The following RFC1 variants were observed in gnomAD, a reference collection of about 807,000 sequenced individuals.
RFC1 encodes the protein A1 140 kDa subunit.
In RFC1, 37 loss-of-function variants were observed where a neutral mutation model predicts 137.4. The observed-to-expected ratio is 0.27, with a 90% CI of 0.21 to 0.35. RFC1 has a LOEUF of 0.35. Ranked by LOEUF, RFC1 falls within the 10% of genes least tolerant of loss-of-function variation. The pLI is 1.00. For missense variants in RFC1, 1,205 were observed against 1,358.5 expected, an observed-to-expected ratio of 0.89 and a Z score of 1.78; for synonymous variants, 429 against 455.7, an observed-to-expected ratio of 0.94 and a Z score of 0.75.
At chr4:39,351,081 T>C (rs1741163609) in intron 2 of RFC1, among the ~76,000 whole-genome samples, 1 of 151,756 alleles carries the variant, frequency 6.6e-6, no homozygotes, top group South Asian at 2.1e-4. Context: ...AAACCCCGTC[T>C]CTACTAAAAA....
At chr4:39,327,209 C>T (rs1433479577) in intron 5 of RFC1, among the ~76,000 whole-genome samples, 2 of 152,086 alleles carry the variant, frequency 1.3e-5, no homozygotes, top group African/African-American at 4.8e-5. Flanking sequence ...ACAAATTTAT[C>T]GCTAATATTG....
At position 39,302,604 on chromosome 4, in the gene RFC1, G is replaced by C; in HGVS notation, c.2341-9C>G. The C allele has an allele frequency of 2.6e-6, 4 of 1,563,292 alleles. No individual in the cohort carries two copies. The highest frequency in any genetic ancestry group is 3.5e-6 in the Non-Finnish European group (4 of 1,143,510). ...ATAGACATCATAGCACCCTGAAATT[G>C]ACAAGGGAGGAGTCCTCAATGATTT... On this transcript the variant is annotated splice_polypyrimidine_tract_variant and intron_variant, in intron 17 of 24. Transcript: ENST00000349703.
At chr4:39,337,989 A>G (rs1297038662) in intron 4 of RFC1, among the ~76,000 whole-genome samples, 1 of 152,190 alleles carries the variant, frequency 6.6e-6, no homozygotes. Flanking sequence ...CGATCAAACA[A>G]CAGGCCCTGA....
At chr4:39,352,818 C>T (rs111458288) in intron 1 of RFC1, among the ~76,000 whole-genome samples, 4 of 152,100 alleles carry the variant, frequency 2.6e-5, no homozygotes, top group African/African-American at 9.6e-5. Flanking sequence ...ATTTAAGAAC[C>T]ACCTGTATCA....
chr4:39,317,293 A>C (rs1170986340), intron 9 of RFC1, among the ~76,000 whole-genome samples: 1 of 152,224 alleles, frequency 6.6e-6, no homozygotes, highest in African/African-American at 2.4e-5. Flanking sequence ...CTCCAAGCAA[A>C]GAAATGCAAA....
intron 24 of RFC1, chr4:39,289,512 T>C (rs965921161): frequency 2.7e-5 from 6 of 222,290 alleles, no homozygotes; most frequent in African/African-American, 4.7e-5. Context: ...TTAGTGGCTA[T>C]AGCAAAACAT....
At chr4:39,311,367 G>A in intron 12 of RFC1, 78 bp downstream of exon 12, 1 of 1,172,884 alleles carries the variant, frequency 8.5e-7, no homozygotes, top group Non-Finnish European at 1.2e-6. Flanking sequence ...CAACAAGCCT[G>A]TATCCACCCA....
chr4:39,317,411 C>T (rs1199648419), intron 9 of RFC1, among the ~76,000 whole-genome samples: 2 of 152,176 alleles, frequency 1.3e-5, no homozygotes, highest in Non-Finnish European at 2.9e-5. Flanking sequence ...TAAACCTGAT[C>T]GCCCGAGAAG....
In RFC1 at chr4:39,290,053, G is replaced by A. The variant is rs1232744982; in HGVS notation, c.3169-14C>T. The stretch of plus-strand genomic sequence containing the variant: ...GGCTGCTTTCACCTATATGAAAGGA[G>A]TAGATGGAGTTTTTAAAAATCTAAG... On this transcript the variant is annotated splice_polypyrimidine_tract_variant and intron_variant, in intron 23 of 24. Coordinates refer to ENST00000349703, the MANE Select transcript of RFC1 (RefSeq NM_002913.5). 4 of 1,571,612 alleles carry A rather than the reference G, an allele frequency of 2.5e-6. No individual in the cohort carries two copies. In the South Asian group the frequency reaches 4.7e-5, roughly 18 times the overall value.
intron 22 of RFC1, 117 bp from the exon 23 acceptor site, chr4:39,291,969 G>GGAAT (rs1384515966): frequency 2.7e-6 from 2 of 741,700 alleles, no homozygotes; most frequent in East Asian, 5.1e-5. Flanking sequence ...AATGCTGAAT[G>GGAAT]GAATGCCTAC....
At position 39,300,383 on chromosome 4, in the gene RFC1, G is replaced by A; in HGVS notation, c.2567C>T (p.Ala856Val). The A allele has an allele frequency of 3.7e-6, 6 of 1,614,040 alleles. No homozygotes were observed. The highest frequency in any genetic ancestry group is 1.1e-5 in the South Asian group (1 of 91,070). Residue 856 changes from alanine (A) to valine (V), a missense_variant, in exon 20 of 25, where the codon GCA becomes GTA. Physicochemically the swap from Ala to Val is moderately conservative, Grantham distance 64. Around this residue, in one of 3 missense-constraint regions of RFC1, gnomAD observed 962 missense variants for 1,035.3 expected, o/e 0.93. Coordinates refer to ENST00000349703, the MANE Select transcript of RFC1 (RefSeq NM_002913.5). ...GPFDVARKVF[A>V]AGEETAHMSL... ...CATGTGAGCAGTCTCCTCTCCAGCT[G>A]CAAACACTTTCCGGGCAACATCAAA... is the stretch of plus-strand genomic sequence containing the variant.
intron 1 of RFC1, among the ~76,000 whole-genome samples, chr4:39,355,096 A>ACACAC (rs59993299): frequency 1.2e-4 from 7 of 60,164 alleles, no homozygotes; most frequent in African/African-American, 1.2e-4. Context: ...AAAAAAAAAA[A>ACACAC]ATACACACAC....
chr4:39,315,418 A>C (rs1488812646), intron 10 of RFC1, among the ~76,000 whole-genome samples: 1 of 152,208 alleles, frequency 6.6e-6, no homozygotes, highest in Non-Finnish European at 1.5e-5. Flanking sequence ...GCAGGGGCCA[A>C]GGCCCTCTTC....
intron 9 of RFC1, chr4:39,317,762 A>T (rs962985384): frequency 6.6e-6 from 1 of 150,968 alleles, no homozygotes; most frequent in Non-Finnish European, 1.5e-5. Context: ...AAGAACCACT[A>T]TCAGGTGTTT....
At chr4:39,301,129 A>G (rs769802744) in intron 19 of RFC1, among the ~76,000 whole-genome samples, 1 of 152,064 alleles carries the variant, frequency 6.6e-6, no homozygotes, top group Non-Finnish European at 1.5e-5. Flanking sequence ...AAAACAAAAA[A>G]GTTATGGAAG....
At chr4:39,309,054 GA>G in intron 12 of RFC1, 22 bp from the exon 13 acceptor site, 5 of 1,565,772 alleles carry the variant, frequency 3.2e-6, no homozygotes, top group Non-Finnish European at 4.3e-6. Flanking sequence ...GAAAAATGAG[GA>G]AAAAAGAAAC....
intron 21 of RFC1, 43 bp from the exon 22 acceptor site, chr4:39,295,802 A>C: frequency 6.3e-7 from 1 of 1,577,000 alleles, no homozygotes. Flanking sequence ...TGTTCCGTAC[A>C]AAGTTACTTC....
At chr4:39,354,918 C>T (rs1264477652) in intron 1 of RFC1, among the ~76,000 whole-genome samples, 12 of 151,546 alleles carry the variant, frequency 7.9e-5, no homozygotes, top group Non-Finnish European at 1.5e-4. Context: ...CCCATCTCCA[C>T]TAAAAATACA....
chr4:39,336,452 T>C (rs1160172642), intron 4 of RFC1, among the ~76,000 whole-genome samples: 1 of 152,262 alleles, frequency 6.6e-6, no homozygotes, highest in Non-Finnish European at 1.5e-5. Flanking sequence ...AACCAAGGCC[T>C]AAGCCTTCAT....
Sources: allele counts gnomAD v4.1 joint callset (sites outside exome capture counted in the v4.1 genomes callset), GRCh38; gene constraint gnomAD v4.1.1; regional missense constraint gnomAD v4.1.1; transcripts MANE v1.5; gene names NCBI Gene and HGNC (gene_info 2026-07-23, HGNC 2026-07-21).